GRID2: variants seen among roughly 807,000 people sequenced by gnomAD.
GRID2 encodes glutamate receptor ionotropic, delta-2.
GRID2 carries 33 observed loss-of-function variants against 114.8 expected under a neutral mutation model. That is an observed-to-expected ratio of 0.29 (90% CI 0.22 to 0.38). The LOEUF (loss-of-function observed/expected upper bound fraction) is 0.38. Ranked by LOEUF, GRID2 falls within the 10% of genes least tolerant of loss-of-function variation. The pLI is 1.00. For synonymous variants in GRID2, 505 were observed against 449.9 expected (o/e 1.12, Z -1.55); for missense variants, 1,184 against 1,257.7 (o/e 0.94, Z 0.89).
chr4:93,498,085 G>T (rs1247851864), intron 12 of GRID2, among the ~76,000 whole-genome samples: 1 of 151,718 alleles, frequency 6.6e-6, no homozygotes, highest in African/African-American at 2.4e-5. Context: ...GATTACAAAC[G>T]TTCTTGGTAT....
At position 93,292,170 on chromosome 4, in the gene GRID2, C is replaced by T. The variant is rs192900761; in HGVS notation, c.1245+53680C>T. On this transcript the variant is annotated intron_variant, in intron 8 of 15. Transcript: ENST00000282020. ...TGAATGAAACTTATGTTGTACAATT[C>T]ATCTGGTGTTTGCTGTAGTAAAAAT... 2.1e-3 allele frequency among the ~76,000 whole-genome samples: 327 copies of T among 152,214 alleles called. 5 individuals carry two copies. Among genetic ancestry groups the T allele is most frequent in the Middle Eastern group, 0.01 (3 of 294 alleles).
chr4:92,661,720 TG>T, intron 2 of GRID2, among the ~76,000 whole-genome samples: 1 of 151,144 alleles, frequency 6.6e-6, no homozygotes, highest in African/African-American at 2.4e-5. Flanking sequence ...ATTTTTCTGT[TG>T]TCTTAATGAT....
chr4:92,656,976 T>A (rs571963451), intron 2 of GRID2, among the ~76,000 whole-genome samples: 81 of 151,864 alleles, frequency 5.3e-4, no homozygotes, highest in African/African-American at 1.7e-3. Flanking sequence ...GCATTTATTT[T>A]TTTTTCTATA....
intron 1 of GRID2, among the ~76,000 whole-genome samples, chr4:92,475,617 A>G (rs972106160): frequency 6.6e-5 from 10 of 151,726 alleles, no homozygotes; most frequent in African/African-American, 1.9e-4. Context: ...GATGCCTCCA[A>G]ATTTGTTATT....
At chr4:92,743,096 G>A (rs943135852) in intron 2 of GRID2, among the ~76,000 whole-genome samples, 6 of 152,114 alleles carry the variant, frequency 3.9e-5, no homozygotes, top group Non-Finnish European at 8.8e-5. Flanking sequence ...GGACAACATG[G>A]TGAAACCCTA....
chr4:92,792,528 C>T (rs1739644642), intron 2 of GRID2, among the ~76,000 whole-genome samples: 1 of 151,492 alleles, frequency 6.6e-6, no homozygotes, highest in Non-Finnish European at 1.5e-5. Context: ...CTCCCTTTCT[C>T]TCTTAGCTTT....
At chr4:93,587,924 A>G (rs1298159519) in intron 13 of GRID2, among the ~76,000 whole-genome samples, 1 of 152,146 alleles carries the variant, frequency 6.6e-6, no homozygotes, top group Non-Finnish European at 1.5e-5. Context: ...GTTATCAGAT[A>G]ATCATTCTTT....
chr4:92,915,827 C>T (rs1748747013), intron 2 of GRID2, among the ~76,000 whole-genome samples: 1 of 152,044 alleles, frequency 6.6e-6, no homozygotes, highest in African/African-American at 2.4e-5. Flanking sequence ...TGATGTTCAG[C>T]GTTTTTTCAT....
intron 2 of GRID2, among the ~76,000 whole-genome samples, chr4:92,967,338 C>A (rs1560753842): frequency 6.6e-6 from 1 of 151,906 alleles, no homozygotes. Context: ...AATAAAAACA[C>A]ACTCCGATGC....
chr4:92,570,041 G>A (rs1010209117), intron 1 of GRID2, among the ~76,000 whole-genome samples: 7 of 152,004 alleles, frequency 4.6e-5, no homozygotes, highest in African/African-American at 1.7e-4. Flanking sequence ...CTATGCCTAT[G>A]TCCTGAAGTG....
At chr4:93,592,277 A>C (rs1002524954) in intron 13 of GRID2, among the ~76,000 whole-genome samples, 4 of 152,118 alleles carry the variant, frequency 2.6e-5, no homozygotes, top group African/African-American at 4.8e-5. Flanking sequence ...CGTTGGTTTC[A>C]AAGAACATCT....
chr4:93,397,411 T>TGCTAATCAC (rs879637267), intron 9 of GRID2, among the ~76,000 whole-genome samples: 5,568 of 152,086 alleles, frequency 0.037, 153 homozygotes, highest in Middle Eastern at 0.058. Context: ...CCTCCAGTGA[T>TGCTAATCAC]TAGCATGAAA....
chr4:92,835,225 T>C (rs1742374530), intron 2 of GRID2, among the ~76,000 whole-genome samples: 1 of 150,036 alleles, frequency 6.7e-6, no homozygotes, highest in Admixed American at 6.7e-5. Context: ...AAGATGAGGT[T>C]GAGGGTAGGG....
At chr4:92,767,612 A>G (rs1207205615) in intron 2 of GRID2, among the ~76,000 whole-genome samples, 1 of 152,112 alleles carries the variant, frequency 6.6e-6, no homozygotes, top group Admixed American at 6.6e-5. Context: ...CTAGCTGGGC[A>G]TGGTGGTGGG....
At chr4:92,349,482 A>T (rs1727953763) in intron 1 of GRID2, among the ~76,000 whole-genome samples, 1 of 151,864 alleles carries the variant, frequency 6.6e-6, no homozygotes, top group African/African-American at 2.4e-5. Context: ...TTAAACTAAT[A>T]TATAAATGTG....
At chr4:93,123,436 T>G (rs963153738) in intron 4 of GRID2, among the ~76,000 whole-genome samples, 1 of 152,206 alleles carries the variant, frequency 6.6e-6, no homozygotes, top group African/African-American at 2.4e-5. Flanking sequence ...AATCCTTCTC[T>G]AATCCATTTT....
intron 4 of GRID2, among the ~76,000 whole-genome samples, chr4:93,183,511 C>T (rs935558014): frequency 6.6e-6 from 1 of 152,104 alleles, no homozygotes; most frequent in African/African-American, 2.4e-5. Context: ...ATAGAGGGTC[C>T]ATTAGGGATT....
chr4:93,509,262 G>A (rs1218716336), intron 12 of GRID2, among the ~76,000 whole-genome samples: 4 of 152,068 alleles, frequency 2.6e-5, no homozygotes, highest in Non-Finnish European at 4.4e-5. Context: ...GACGTGGAAA[G>A]GCAAAGATGG....
chr4:93,502,164 CAGA>C (rs1728178275), intron 12 of GRID2, among the ~76,000 whole-genome samples: 1 of 152,068 alleles, frequency 6.6e-6, no homozygotes, highest in East Asian at 1.9e-4. Context: ...GGCTGTTTGG[CAGA>C]AGAATACTAT....
Sources: gnomAD v4.1 joint callset for allele counts (sites outside exome capture counted in the v4.1 genomes callset) on GRCh38, gnomAD v4.1.1 for gene constraint, MANE v1.5 for transcripts, NCBI Gene and HGNC (gene_info 2026-07-23, HGNC 2026-07-21) for gene names.